The following KIAA1328 variants were observed in gnomAD, a reference collection of about 807,000 sequenced individuals.
KIAA1328 encodes the protein KIAA1328, also known as protein hinderin.
A neutral mutation model predicts 68.1 loss-of-function variants in KIAA1328; 52 were observed. That is an observed-to-expected ratio of 0.76 (90% CI 0.61 to 0.96). The LOEUF (loss-of-function observed/expected upper bound fraction) is 0.96, where lower values mean the gene tolerates loss of function less well. KIAA1328 is among the 40% of genes least tolerant of loss of function. The probability of loss-of-function intolerance (pLI) is 0.00; values close to 1 mark genes in which losing one functional copy is unlikely to be tolerated. For missense variants in KIAA1328, 641 were observed against 677.6 expected (o/e 0.95, Z 0.60); for synonymous variants, 232 against 239.4 (o/e 0.97, Z 0.28).
chr18:37,020,410 A>C (rs990854834), intron 6 of KIAA1328, among the ~76,000 whole-genome samples: 18 of 152,258 alleles, frequency 1.2e-4, no homozygotes, highest in Admixed American at 2.6e-4. Context: ...GGCGTGAGCC[A>C]CCACGCCCAG....
At chr18:37,174,531 C>A (rs558542769) in intron 9 of KIAA1328, among the ~76,000 whole-genome samples, 3 of 151,166 alleles carry the variant, frequency 2.0e-5, no homozygotes, top group Admixed American at 2.0e-4. Context: ...TACAGGCGCC[C>A]ACCACCACAC....
At chr18:37,206,180 G>GC (rs1415823641) in intron 9 of KIAA1328, among the ~76,000 whole-genome samples, 2 of 152,086 alleles carry the variant, frequency 1.3e-5, no homozygotes, top group Non-Finnish European at 2.9e-5. Flanking sequence ...AAGGGAACAA[G>GC]CAGAAAGGAA....
In KIAA1328 at chr18:37,223,934, A is replaced by C; in HGVS notation, c.*1707A>C. ...ACTAGTTATAATCATTCCCTTAAAAAGTTGGAAAATCATTACAGATTAAAA... is the reference window on the plus strand; with the variant it reads ...ACTAGTTATAATCATTCCCTTAAAACGTTGGAAAATCATTACAGATTAAAA... On this transcript the variant is annotated 3_prime_UTR_variant, in exon 10 of 10. Coordinates refer to ENST00000280020, the MANE Select transcript of KIAA1328 (RefSeq NM_020776.3). 1.0e-6 allele frequency: 1 copy of C among 984,756 alleles called. No homozygotes were observed. Among genetic ancestry groups the C allele is most frequent in the Non-Finnish European group, 1.2e-6 (1 of 829,304 alleles). The allele number at this position is 984,756 out of a possible 1,614,324, so 61.0% of individuals were successfully genotyped here.
At chr18:37,179,780 T>A (rs2059663650) in intron 9 of KIAA1328, among the ~76,000 whole-genome samples, 1 of 152,188 alleles carries the variant, frequency 6.6e-6, no homozygotes, top group Non-Finnish European at 1.5e-5. Flanking sequence ...CCAGATATGA[T>A]GGCACAGCCT....
intron 4 of KIAA1328, among the ~76,000 whole-genome samples, chr18:36,876,100 T>G (rs961442334): frequency 1.3e-5 from 2 of 152,210 alleles, no homozygotes; most frequent in Admixed American, 1.3e-4. Flanking sequence ...CCATCGATGT[T>G]CATCAGGGAT....
chr18:36,916,693 T>C (rs1164469554), intron 5 of KIAA1328, among the ~76,000 whole-genome samples: 1 of 152,194 alleles, frequency 6.6e-6, no homozygotes, highest in Non-Finnish European at 1.5e-5. Flanking sequence ...TACAGATAAG[T>C]AAGGAGGCAC....
intron 7 of KIAA1328, among the ~76,000 whole-genome samples, chr18:37,114,558 G>A (rs2058044690): frequency 1.3e-5 from 2 of 152,138 alleles, no homozygotes; most frequent in South Asian, 2.1e-4. Flanking sequence ...GAGAAAGCAG[G>A]AAAGATCTAA....
chr18:37,225,380 C>G, downstream of KIAA1328: 3 of 880,710 alleles, frequency 3.4e-6, no homozygotes, highest in Non-Finnish European at 4.1e-6. Flanking sequence ...CTCATCAGAT[C>G]AGTGAGGCAT....
chr18:36,830,580 TG>T (rs563682648), intron 1 of KIAA1328, among the ~76,000 whole-genome samples: 392 of 151,102 alleles, frequency 2.6e-3, no homozygotes, highest in Non-Finnish European at 3.7e-3. Flanking sequence ...ATCAATGGTT[TG>T]GGGGGGGGAC....
intron 6 of KIAA1328, among the ~76,000 whole-genome samples, chr18:37,048,371 CTTT>C (rs1430740062): frequency 6.6e-6 from 1 of 152,074 alleles, no homozygotes; most frequent in East Asian, 1.9e-4. Context: ...TGCTATCCTT[CTTT>C]ATGATGTGAG....
At chr18:37,125,977 G>T (rs532134717) in intron 7 of KIAA1328, among the ~76,000 whole-genome samples, 1 of 152,218 alleles carries the variant, frequency 6.6e-6, no homozygotes, top group Non-Finnish European at 1.5e-5. Flanking sequence ...ACTTGTGCGT[G>T]AATGTGTGCA....
At chr18:37,044,012 T>A (rs2055364150) in intron 6 of KIAA1328, among the ~76,000 whole-genome samples, 1 of 152,196 alleles carries the variant, frequency 6.6e-6, no homozygotes, top group Admixed American at 6.5e-5. Flanking sequence ...TACCATATTT[T>A]AAGATATCTC....
intron 5 of KIAA1328, among the ~76,000 whole-genome samples, chr18:36,930,414 G>A (rs2050269021): frequency 6.6e-6 from 1 of 151,996 alleles, no homozygotes; most frequent in South Asian, 2.1e-4. Context: ...TTGTTACCGT[G>A]GAAGCAACAT....
At chr18:37,103,334 A>G (rs535569958) in intron 7 of KIAA1328, among the ~76,000 whole-genome samples, 2 of 152,304 alleles carry the variant, frequency 1.3e-5, no homozygotes, top group Admixed American at 1.3e-4. Context: ...TAGAATGGAG[A>G]ACCCAGAAAT....
At chr18:36,881,133 C>CT (rs1366683058) in intron 4 of KIAA1328, among the ~76,000 whole-genome samples, 1 of 136,814 alleles carries the variant, frequency 7.3e-6, no homozygotes, top group African/African-American at 3.4e-5. Context: ...AGAAAGTTAA[C>CT]TTGTTTTTTT....
chr18:37,044,977 A>G (rs1411145024), intron 6 of KIAA1328, among the ~76,000 whole-genome samples: 3 of 152,176 alleles, frequency 2.0e-5, no homozygotes, highest in Admixed American at 6.6e-5. Flanking sequence ...TAAGAGTTGT[A>G]TCTTGTAAGT....
At chr18:36,868,605 GA>G (rs2047835182) in intron 4 of KIAA1328, among the ~76,000 whole-genome samples, 1 of 152,042 alleles carries the variant, frequency 6.6e-6, no homozygotes, top group Non-Finnish European at 1.5e-5. Context: ...GTCTTTAAAG[GA>G]AAAAAGTTTC....
At chr18:36,844,366 A>C (rs1406590162) in intron 4 of KIAA1328, 64 bp downstream of exon 4, 4 of 1,056,624 alleles carry the variant, frequency 3.8e-6, no homozygotes, top group Non-Finnish European at 4.0e-6. Flanking sequence ...GAAAACAGAA[A>C]ATTGCAAATA....
intron 7 of KIAA1328, among the ~76,000 whole-genome samples, chr18:37,086,353 A>G (rs1004535804): frequency 1.3e-5 from 2 of 152,254 alleles, no homozygotes; most frequent in Non-Finnish European, 2.9e-5. Context: ...ATAAATATAT[A>G]CAGTGTTTAC....
Sources: allele counts gnomAD v4.1 joint callset (sites outside exome capture counted in the v4.1 genomes callset), GRCh38; gene constraint gnomAD v4.1.1; transcripts MANE v1.5; gene names NCBI Gene and HGNC (gene_info 2026-07-23, HGNC 2026-07-21).